The following LRP1B variants were observed in gnomAD, a reference collection of about 807,000 sequenced individuals.
LRP1B encodes the protein low-density lipoprotein receptor-related protein 1B.
In LRP1B, 217 loss-of-function variants were observed where a neutral mutation model predicts 556.6. The observed-to-expected ratio is 0.39, with a 90% CI of 0.35 to 0.44. The LOEUF is 0.44. LRP1B is among the 20% of genes least tolerant of loss of function. LRP1B has a pLI of 1.00. For missense variants in LRP1B, 5,053 were observed against 5,620.8 expected (o/e 0.90, Z 3.23); for synonymous variants, 2,047 against 1,865.8 (o/e 1.10, Z -2.50).
At position 140,297,171 on chromosome 2, in the gene LRP1B, G is replaced by A. The variant is rs376453885; in HGVS notation, c.12967+637C>T. Among the ~76,000 whole-genome samples, 88 of 152,262 alleles carry A rather than the reference G, an allele frequency of 5.8e-4. No individual in the cohort carries two copies. The South Asian group carries it at 0.018, about 32-fold the overall frequency. On this transcript the variant is annotated intron_variant, in intron 84 of 90. Transcript: ENST00000389484. ...GAAAGACAAGTACATGGGCATAGGA[G>A]AAAGAAGCTGGGGGGATGTGCTAGT...
chr2:142,013,506 T>C (rs1703020167), intron 1 of LRP1B, among the ~76,000 whole-genome samples: 1 of 151,926 alleles, frequency 6.6e-6, no homozygotes, highest in South Asian at 2.1e-4. Flanking sequence ...GTATTAAGTA[T>C]GCACAGAATA....
chr2:140,953,475 G>A (rs1408000457), intron 18 of LRP1B, among the ~76,000 whole-genome samples: 1 of 152,138 alleles, frequency 6.6e-6, no homozygotes, highest in Non-Finnish European at 1.5e-5. Flanking sequence ...CACTGACACA[G>A]AATCATAGAA....
At chr2:140,328,447 T>C (rs1680609358) in intron 79 of LRP1B, among the ~76,000 whole-genome samples, 1 of 150,716 alleles carries the variant, frequency 6.6e-6, no homozygotes. Flanking sequence ...AGTTCCCCAA[T>C]TTCCATTGTA....
At chr2:141,674,827 T>C (rs1250804525) in intron 2 of LRP1B, among the ~76,000 whole-genome samples, 1 of 152,040 alleles carries the variant, frequency 6.6e-6, no homozygotes, top group Non-Finnish European at 1.5e-5. Context: ...AAGAATTTGC[T>C]TTATCAAAGG....
rs568822615 is a variant in LRP1B at position 141,549,150 on chromosome 2, T to C, written c.206-68617A>G. Reference sequence around the variant, plus strand: ...TGGTTAAGAGCACAAATTTTGGAGTTAGACAACAAAGTTTCAATCTTAATT... The same window carrying C: ...TGGTTAAGAGCACAAATTTTGGAGTCAGACAACAAAGTTTCAATCTTAATT... On this transcript the variant is annotated intron_variant, in intron 2 of 90. Coordinates refer to ENST00000389484, the MANE Select transcript of LRP1B (RefSeq NM_018557.3). Among the ~76,000 whole-genome samples the C allele has an allele frequency of 1.6e-3, 239 of 152,268 alleles. 2 individuals are homozygous for C. Among genetic ancestry groups the C allele is most frequent in the Admixed American group, 4.6e-3 (71 of 15,286 alleles).
intron 3 of LRP1B, among the ~76,000 whole-genome samples, chr2:141,339,018 C>T (rs1194059111): frequency 6.6e-6 from 1 of 151,966 alleles, no homozygotes; most frequent in Non-Finnish European, 1.5e-5. Context: ...CATTTTCTCT[C>T]GGTGAGAATG....
At chr2:140,285,614 T>C (rs540047099) in intron 84 of LRP1B, among the ~76,000 whole-genome samples, 9 of 151,876 alleles carry the variant, frequency 5.9e-5, no homozygotes, top group African/African-American at 2.2e-4. Context: ...TATTGATATG[T>C]AATAATCAGG....
At chr2:141,111,962 C>A (rs1301673609) in intron 7 of LRP1B, among the ~76,000 whole-genome samples, 1 of 151,702 alleles carries the variant, frequency 6.6e-6, no homozygotes, top group Non-Finnish European at 1.5e-5. Flanking sequence ...AGGAGAATGG[C>A]GTGAACTCGG....
At chr2:140,389,638 G>A (rs945102382) in intron 66 of LRP1B, among the ~76,000 whole-genome samples, 2 of 148,666 alleles carry the variant, frequency 1.3e-5, no homozygotes, top group African/African-American at 4.9e-5. Flanking sequence ...CCTAAGAAAT[G>A]CAGATACATA....
rs549435554 is a variant in LRP1B, at chr2:141,097,606, T to C, written c.1014-35333A>G. Among the ~76,000 whole-genome samples the C allele has an allele frequency of 2.6e-5, 4 of 151,134 alleles. No homozygotes were observed. In the South Asian group the frequency reaches 8.3e-4, roughly 31 times the overall value. ...TTGTCTACCTTCTACAAACTTAAAT[T>C]TAAAATAGTGGAAGCAACTTGCCTT... On this transcript the variant is annotated intron_variant, in intron 7 of 90. Coordinates refer to ENST00000389484, the MANE Select transcript of LRP1B (RefSeq NM_018557.3).
chr2:141,638,326 C>A (rs1373019972), intron 2 of LRP1B, among the ~76,000 whole-genome samples: 1 of 152,154 alleles, frequency 6.6e-6, no homozygotes, highest in Non-Finnish European at 1.5e-5. Context: ...GAAGCCGATT[C>A]CACCATTTTG....
At chr2:140,705,432 G>A (rs1686794895) in intron 37 of LRP1B, among the ~76,000 whole-genome samples, 1 of 147,420 alleles carries the variant, frequency 6.8e-6, no homozygotes, top group African/African-American at 2.5e-5. Flanking sequence ...GCTGAGGCAG[G>A]AGAATCACTG....
chr2:140,324,375 C>T (rs1680336230), intron 80 of LRP1B, among the ~76,000 whole-genome samples: 1 of 151,928 alleles, frequency 6.6e-6, no homozygotes, highest in South Asian at 2.1e-4. Context: ...ATGCAGTTGA[C>T]AAAAGAAAAG....
At chr2:140,378,958 A>AGTCC (rs1396188464) in intron 67 of LRP1B, among the ~76,000 whole-genome samples, 1 of 152,214 alleles carries the variant, frequency 6.6e-6, no homozygotes, top group African/African-American at 2.4e-5. Context: ...GGTGTCCCAT[A>AGTCC]GTCCACATAG....
At chr2:140,967,044 A>T (rs1696248502) in intron 18 of LRP1B, among the ~76,000 whole-genome samples, 3 of 152,116 alleles carry the variant, frequency 2.0e-5, no homozygotes, top group Admixed American at 6.6e-5. Context: ...TTGGTTCCAT[A>T]TGAACTTTAA....
At chr2:140,639,095 T>C (rs188640625) in intron 41 of LRP1B, among the ~76,000 whole-genome samples, 31 of 152,264 alleles carry the variant, frequency 2.0e-4, no homozygotes, top group African/African-American at 6.7e-4. Context: ...AGAGGCATTT[T>C]GGTTACATCT....
intron 3 of LRP1B, among the ~76,000 whole-genome samples, chr2:141,260,409 G>C (rs941427174): frequency 6.6e-6 from 1 of 152,098 alleles, no homozygotes; most frequent in African/African-American, 2.4e-5. Flanking sequence ...AAATGTATGC[G>C]AGTATATGAT....
intron 7 of LRP1B, among the ~76,000 whole-genome samples, chr2:141,112,998 A>C (rs1700793174): frequency 6.6e-6 from 1 of 152,262 alleles, no homozygotes; most frequent in South Asian, 2.1e-4. Context: ...GCAAATTGAT[A>C]ATATGCATAT....
chr2:141,773,340 C>A (rs1047538657), intron 2 of LRP1B, among the ~76,000 whole-genome samples: 4 of 152,166 alleles, frequency 2.6e-5, no homozygotes, highest in African/African-American at 9.7e-5. Flanking sequence ...CATCATTAAA[C>A]CCTTACTGCC....
Sources: allele counts gnomAD v4.1 joint callset (sites outside exome capture counted in the v4.1 genomes callset), GRCh38; gene constraint gnomAD v4.1.1; transcripts MANE v1.5; gene names NCBI Gene and HGNC (gene_info 2026-07-23, HGNC 2026-07-21).